The following DENND1A variants were observed in gnomAD, a reference collection of about 807,000 sequenced individuals.
The protein encoded by DENND1A is DENN domain-containing protein 1A.
Under a neutral mutation model 113.7 loss-of-function variants are expected in DENND1A, and 51 were observed. The observed-to-expected ratio is 0.45, with a 90% CI of 0.36 to 0.57. The LOEUF is 0.57. Ranked by LOEUF, DENND1A falls within the 20% of genes least tolerant of loss-of-function variation. The probability of loss-of-function intolerance (pLI) is 0.00; values close to 1 mark genes in which losing one functional copy is unlikely to be tolerated. For missense variants in DENND1A, 1,258 were observed against 1,395.9 expected (o/e 0.90, Z 1.57); for synonymous variants, 565 against 570.8 (o/e 0.99, Z 0.14).
chr9:123,775,586 G>C (rs1309288487), intron 3 of DENND1A, among the ~76,000 whole-genome samples: 1 of 152,124 alleles, frequency 6.6e-6, no homozygotes, highest in Non-Finnish European at 1.5e-5. Context: ...AAAGCTGTCA[G>C]CTTTTAAATA....
chr9:123,569,964 C>T (rs994341147), intron 12 of DENND1A, among the ~76,000 whole-genome samples: 12 of 152,166 alleles, frequency 7.9e-5, no homozygotes, highest in Non-Finnish European at 1.8e-4. Context: ...GTTTTTGTGA[C>T]CATTCCCAAT....
At chr9:123,713,404 C>T (rs2066760425) in intron 5 of DENND1A, among the ~76,000 whole-genome samples, 1 of 152,164 alleles carries the variant, frequency 6.6e-6, no homozygotes, top group South Asian at 2.1e-4. Flanking sequence ...TAAGGAGTAA[C>T]TGTGGATGTG....
At chr9:123,917,139 G>A (rs1049488682) in intron 1 of DENND1A, among the ~76,000 whole-genome samples, 24 of 152,030 alleles carry the variant, frequency 1.6e-4, no homozygotes, top group Non-Finnish European at 5.9e-5. Context: ...AGCCGAAATC[G>A]TGCCACTGCA....
At chr9:123,602,522 C>T (rs768950701) in intron 11 of DENND1A, among the ~76,000 whole-genome samples, 26 of 152,252 alleles carry the variant, frequency 1.7e-4, no homozygotes, top group South Asian at 6.2e-4. Context: ...GTCTGAGGAA[C>T]GCTCAAACAT....
intron 5 of DENND1A, among the ~76,000 whole-genome samples, chr9:123,678,627 G>A (rs1021327689): frequency 1.2e-4 from 19 of 152,244 alleles, no homozygotes; most frequent in African/African-American, 4.1e-4. Flanking sequence ...GCAACAAAGA[G>A]AACAGATAAA....
intron 18 of DENND1A, among the ~76,000 whole-genome samples, chr9:123,445,799 GGA>G (rs1438783170): frequency 6.6e-6 from 1 of 152,154 alleles, no homozygotes; most frequent in Non-Finnish European, 1.5e-5. Context: ...CCTGGGAGGT[GGA>G]GTTTGCGGTG....
At chr9:123,479,247 C>G (rs946972121) in intron 13 of DENND1A, among the ~76,000 whole-genome samples, 1 of 152,180 alleles carries the variant, frequency 6.6e-6, no homozygotes, top group African/African-American at 2.4e-5. Flanking sequence ...TCCTCTGTCA[C>G]CTGCCACCTT....
intron 19 of DENND1A, among the ~76,000 whole-genome samples, chr9:123,413,017 TATACAAAA>T (rs1336617057): frequency 1.3e-5 from 2 of 152,172 alleles, no homozygotes. Flanking sequence ...AACCCCCATC[TATACAAAA>T]ATACAAAAAT....
chr9:123,609,622 A>T (rs2060322019), intron 10 of DENND1A, 141 bp from the exon 11 acceptor site: 2 of 983,378 alleles, frequency 2.0e-6, no homozygotes, highest in Non-Finnish European at 2.9e-6. Context: ...AAAAATCCTA[A>T]TATGACATTT....
intron 2 of DENND1A, among the ~76,000 whole-genome samples, chr9:123,865,608 T>C (rs1845703044): frequency 6.6e-6 from 1 of 152,254 alleles, no homozygotes; most frequent in South Asian, 2.1e-4. Flanking sequence ...ACAAATTTCA[T>C]GTTTTTCTTC....
intron 13 of DENND1A, among the ~76,000 whole-genome samples, chr9:123,537,741 C>T (rs528216438): frequency 1.2e-3 from 175 of 151,640 alleles, no homozygotes; most frequent in Middle Eastern, 3.2e-3. Flanking sequence ...CAACACTTTG[C>T]GAGAAGAAAA....
chr9:123,705,955 AG>A (rs1210472154), intron 5 of DENND1A, among the ~76,000 whole-genome samples: 1 of 152,164 alleles, frequency 6.6e-6, no homozygotes, highest in Non-Finnish European at 1.5e-5. Context: ...CTGAGAAAAC[AG>A]TGTCATTCAA....
chr9:123,656,828 T>C (rs2062973173), intron 8 of DENND1A, among the ~76,000 whole-genome samples: 1 of 152,222 alleles, frequency 6.6e-6, no homozygotes, highest in African/African-American at 2.4e-5. Context: ...AAACCTTGCT[T>C]CAAGGACTAG....
intron 13 of DENND1A, among the ~76,000 whole-genome samples, chr9:123,516,901 A>T (rs1456240564): frequency 1.8e-4 from 6 of 33,588 alleles, no homozygotes; most frequent in Admixed American, 4.0e-4. Context: ...AAAAAAAAAA[A>T]AAAAAAAAAA....
intron 8 of DENND1A, among the ~76,000 whole-genome samples, chr9:123,661,436 C>T (rs548691630): frequency 6.6e-6 from 1 of 152,290 alleles, no homozygotes; most frequent in South Asian, 2.1e-4. Context: ...ATGTCATAAC[C>T]TACCATTCCT....
chr9:123,468,890 C>T (rs184487936), intron 13 of DENND1A, among the ~76,000 whole-genome samples: 1 of 152,338 alleles, frequency 6.6e-6, no homozygotes, highest in Non-Finnish European at 1.5e-5. Context: ...ACCAAATCCT[C>T]GCCAGAAGGG....
chr9:123,476,721 C>A (rs191346215), intron 13 of DENND1A, among the ~76,000 whole-genome samples: 1 of 152,290 alleles, frequency 6.6e-6, no homozygotes, highest in East Asian at 1.9e-4. Context: ...TACCATGTGC[C>A]AGGTACCCTT....
intron 12 of DENND1A, among the ~76,000 whole-genome samples, chr9:123,573,737 T>G (rs2058480159): frequency 6.6e-6 from 1 of 152,148 alleles, no homozygotes; most frequent in Non-Finnish European, 1.5e-5. Flanking sequence ...TTCACTTCTT[T>G]CTAATCATTA....
chr9:123,455,898 T>C (rs964391544), intron 15 of DENND1A, among the ~76,000 whole-genome samples: 2 of 152,216 alleles, frequency 1.3e-5, no homozygotes, highest in Non-Finnish European at 2.9e-5. Context: ...AACACAGCCC[T>C]AGTCTAACCG....
Sources: allele counts gnomAD v4.1 joint callset (sites outside exome capture counted in the v4.1 genomes callset), GRCh38; gene constraint gnomAD v4.1.1; transcripts MANE v1.5; gene names NCBI Gene and HGNC (gene_info 2026-07-23, HGNC 2026-07-21).